Variants in LOXHD1 observed in about 807,000 individuals in gnomAD.
LOXHD1 encodes the protein lipoxygenase homology PLAT domains 1.
In LOXHD1, 205 loss-of-function variants were observed where a neutral mutation model predicts 248.2. That is an observed-to-expected ratio of 0.83 (90% CI 0.74 to 0.93). LOXHD1 has a LOEUF of 0.93. Among genes scored for constraint, LOXHD1 ranks in the 40% least tolerant of loss-of-function variants. The pLI, the probability that LOXHD1 is intolerant of heterozygous loss-of-function variation, is 0.00. For missense variants in LOXHD1, 2,930 were observed against 2,971.6 expected (o/e 0.99, Z 0.33); for synonymous variants, 1,113 against 1,162.8 (o/e 0.96, Z 0.87).
chr18:46,495,584 T>A (rs2033808156), intron 37 of LOXHD1, among the ~76,000 whole-genome samples: 1 of 152,230 alleles, frequency 6.6e-6, no homozygotes, highest in Admixed American at 6.5e-5. Flanking sequence ...GATTTCTGTG[T>A]ACTTCATATT....
rs1346505428 is a variant in LOXHD1 at position 46,559,545 on chromosome 18, G to T, written c.3119C>A (p.Ala1040Asp). Residue 1040 changes from alanine to aspartate, a missense_variant, in exon 20 of 41, where the codon GCT (alanine) becomes GAT (aspartate). Physicochemically the swap from Ala to Asp is moderately radical, Grantham distance 126. Coordinates refer to ENST00000642948, the MANE Select transcript of LOXHD1 (RefSeq NM_001384474.1). ...TGNVPKAGTD[A>D]NVYLTIYGEE... is the part of the protein sequence containing the mutation. ...GCCGTAGATGGTTAGGTAGACGTTA[G>T]CATCAGTGCCGGCCTTGGGCACATT... The T allele has an allele frequency of 6.4e-7, 1 of 1,551,992 alleles. No homozygotes were observed. The highest frequency in any genetic ancestry group is 2.4e-5 in the East Asian group (1 of 40,910).
At chr18:46,602,260 T>G (rs1839651970) in intron 7 of LOXHD1, among the ~76,000 whole-genome samples, 1 of 152,180 alleles carries the variant, frequency 6.6e-6, no homozygotes. Context: ...GGCTGGAATC[T>G]AGTGGTGTGA....
intron 12 of LOXHD1, among the ~76,000 whole-genome samples, chr18:46,588,198 T>C (rs1568203589): frequency 6.6e-6 from 1 of 151,848 alleles, no homozygotes; most frequent in South Asian, 2.1e-4. Flanking sequence ...AGTGAGGACA[T>C]AGGGGTGTTC....
intron 28 of LOXHD1, 150 bp from the exon 29 acceptor site, chr18:46,529,481 A>G: frequency 1.1e-6 from 1 of 873,874 alleles, no homozygotes; most frequent in Non-Finnish European, 1.7e-6. Flanking sequence ...TCAATTATGC[A>G]TACTCAGCTT....
intron 29 of LOXHD1, among the ~76,000 whole-genome samples, chr18:46,526,542 G>C (rs4372774): frequency 0.26 from 39,875 of 152,208 alleles, 6,526 homozygotes; most frequent in Non-Finnish European, 0.37. Flanking sequence ...AGGTAGAAGA[G>C]AGGGTGGGGC....
intron 28 of LOXHD1, among the ~76,000 whole-genome samples, chr18:46,531,439 C>T (rs1415513673): frequency 1.3e-5 from 2 of 152,090 alleles, no homozygotes; most frequent in Admixed American, 6.5e-5. Context: ...CATTTTCTAG[C>T]TGTGCATTTG....
chr18:46,639,951 A>G (rs2038942939), intron 3 of LOXHD1, among the ~76,000 whole-genome samples, 151 bp from the exon 4 acceptor site: 2 of 152,214 alleles, frequency 1.3e-5, no homozygotes, highest in African/African-American at 2.4e-5. Flanking sequence ...TTCCTCATCT[A>G]TAAAATGGGG....
At position 46,563,045 on chromosome 18, in the gene LOXHD1, C is replaced by A; in HGVS notation, c.2598+20G>T. 6.6e-7 allele frequency: 1 copy of A among 1,524,326 alleles called. No individual in the cohort carries two copies. Among genetic ancestry groups the A allele is most frequent in the Non-Finnish European group, 8.9e-7 (1 of 1,125,160 alleles). 94.4% of individuals were successfully genotyped at this position (1,524,326 alleles called of 1,614,324 possible). A position where few individuals can be genotyped will look rare whatever the true frequency, so the allele number is the denominator to read the frequency against. On this transcript the variant is annotated intron_variant, in intron 18 of 40. Coordinates refer to ENST00000642948, the MANE Select transcript of LOXHD1 (RefSeq NM_001384474.1). ...CCACTGAGCCTGCTGTTGGCACCCC[C>A]GCTCCTCGACCCCACATACCTGGAA...
At position 46,540,689 on chromosome 18, in the gene LOXHD1, T is replaced by C. The variant is rs140001955; in HGVS notation, c.3913+1087A>G. Among the ~76,000 whole-genome samples the C allele has an allele frequency of 1.7e-3, 220 of 126,594 alleles. 1 individual carries two copies. The highest frequency in any genetic ancestry group is 5.7e-3 in the African/African-American group (202 of 35,642). 83.1% of individuals were successfully genotyped at this position (126,594 alleles called of 152,430 possible). A position where few individuals can be genotyped will look rare whatever the true frequency, so the allele number is the denominator to read the frequency against. On this transcript the variant is annotated intron_variant, in intron 25 of 40. Transcript: ENST00000642948. The stretch of plus-strand genomic sequence containing the variant: ...TTTTTTTTTTTTTTGGTATGGCATG[T>C]CCTAGGGCATGTAGGGAGAAATGGA...
At chr18:46,492,107 T>C (rs1240757706) in intron 37 of LOXHD1, among the ~76,000 whole-genome samples, 1 of 112,900 alleles carries the variant, frequency 8.9e-6, no homozygotes, top group Non-Finnish European at 1.9e-5. Context: ...AACATGCAAC[T>C]ATGAAACATC....
At chr18:46,542,960 T>C in intron 23 of LOXHD1, 105 bp from the exon 24 acceptor site, 1 of 1,466,050 alleles carries the variant, frequency 6.8e-7, no homozygotes. Context: ...ATTTCTGAAC[T>C]TCCACCAAAT....
intron 4 of LOXHD1, among the ~76,000 whole-genome samples, chr18:46,624,466 T>C (rs559700774): frequency 5.2e-4 from 79 of 152,186 alleles, no homozygotes; most frequent in Non-Finnish European, 9.7e-4. Context: ...CATGTGCCGG[T>C]GCCGGAAGCT....
intron 4 of LOXHD1, among the ~76,000 whole-genome samples, chr18:46,639,115 A>T (rs1421819520): frequency 2.0e-5 from 3 of 152,172 alleles, no homozygotes; most frequent in Non-Finnish European, 4.4e-5. Context: ...CAGAGATGTC[A>T]CTTGAAATAA....
intron 26 of LOXHD1, among the ~76,000 whole-genome samples, chr18:46,536,427 A>T (rs2036311978): frequency 6.6e-6 from 1 of 152,190 alleles, no homozygotes; most frequent in Non-Finnish European, 1.5e-5. Context: ...AGGTGGGCAG[A>T]GAGACAGAGG....
chr18:46,579,506 G>A, intron 13 of LOXHD1, 124 bp downstream of exon 13: 6 of 1,288,310 alleles, frequency 4.7e-6, no homozygotes, highest in Non-Finnish European at 6.5e-6. Flanking sequence ...CCCAGAGTGA[G>A]GCTCCTGATG....
At chr18:46,574,623 A>G (rs2037820134) in intron 14 of LOXHD1, among the ~76,000 whole-genome samples, 1 of 151,900 alleles carries the variant, frequency 6.6e-6, no homozygotes, top group Non-Finnish European at 1.5e-5. Flanking sequence ...TCTAAAAAAA[A>G]AAAAAAAAAA....
chr18:46,569,331 TGA>T (rs2037705194), intron 16 of LOXHD1, 109 bp downstream of exon 16: 1 of 915,766 alleles, frequency 1.1e-6, no homozygotes, highest in Admixed American at 2.3e-5. Context: ...CTTATGTACA[TGA>T]GTGTGTGCGT....
At position 46,509,771 on chromosome 18, in the gene LOXHD1, T is replaced by C. The variant is rs945662236; in HGVS notation, c.5444A>G (p.Asp1815Gly). The change falls in exon 35 of 41, where the codon GAC becomes GGC. Residue 1815 changes from aspartate (D) to glycine (G), a missense_variant. Asp to Gly is a moderately conservative substitution (Grantham distance 94). Transcript: ENST00000642948. ...CCGCATCTTGGTGAATGGAGCAATG[T>C]CTAGGATCTCCATGATGAAGGTGTC... is the stretch of plus-strand genomic sequence containing the variant. ...QNDTFIMEIL[D>G]IAPFTKMRIR... 7.1e-6 allele frequency: 11 copies of C among 1,551,140 alleles called. No individual in the cohort carries two copies. The Admixed American group carries it at 7.8e-5, about 11-fold the overall frequency.
chr18:46,604,261 A>G (rs977846206), intron 6 of LOXHD1, 32 bp from the exon 7 acceptor site: 6 of 1,551,100 alleles, frequency 3.9e-6, no homozygotes, highest in East Asian at 2.4e-5. Context: ...AAGGATGTAG[A>G]TAAGTGTTGT....
Sources: allele counts gnomAD v4.1 joint callset (sites outside exome capture counted in the v4.1 genomes callset), GRCh38; gene constraint gnomAD v4.1.1; transcripts MANE v1.5; gene names NCBI Gene and HGNC (gene_info 2026-07-23, HGNC 2026-07-21).